The following XRCC5 variants were observed in gnomAD, a reference collection of about 807,000 sequenced individuals.
XRCC5 encodes DNA repair protein Ku80.
Under a neutral mutation model 95.7 loss-of-function variants are expected in XRCC5, and 12 were observed. That is an observed-to-expected ratio of 0.13 (90% CI 0.08 to 0.20). The LOEUF (loss-of-function observed/expected upper bound fraction) is 0.20. Ranked by LOEUF, XRCC5 falls within the 10% of genes least tolerant of loss-of-function variation. XRCC5 has a pLI of 1.00. For missense variants in XRCC5, 595 were observed against 873.9 expected (o/e 0.68, Z 4.02); for synonymous variants, 281 against 290.3 (o/e 0.97, Z 0.33).
chr2:216,117,841 A>T (rs1375044421), intron 4 of XRCC5, 47 bp downstream of exon 4: 1 of 1,570,650 alleles, frequency 6.4e-7, no homozygotes, highest in Non-Finnish European at 8.8e-7. Context: ...TTTTGCAAAA[A>T]TTGTATGGGT....
intron 14 of XRCC5, among the ~76,000 whole-genome samples, chr2:216,157,620 G>A (rs1688871898): frequency 6.6e-6 from 1 of 152,124 alleles, no homozygotes; most frequent in African/African-American, 2.4e-5. Context: ...TTTTTATTTG[G>A]CTGAAGGTGT....
intron 16 of XRCC5, among the ~76,000 whole-genome samples, chr2:216,178,420 C>A (rs1157604290): frequency 6.6e-6 from 1 of 152,128 alleles, no homozygotes; most frequent in Non-Finnish European, 1.5e-5. Flanking sequence ...CTACTGATGC[C>A]CTGTATTGTG....
chr2:216,179,319 G>T (rs1319861958), intron 16 of XRCC5, among the ~76,000 whole-genome samples: 1 of 152,146 alleles, frequency 6.6e-6, no homozygotes, highest in African/African-American at 2.4e-5. Context: ...AGTCCTATTG[G>T]ATTAGGGCCT....
chr2:216,130,042 G>A (rs895862803), intron 8 of XRCC5, among the ~76,000 whole-genome samples: 1 of 152,088 alleles, frequency 6.6e-6, no homozygotes, highest in Non-Finnish European at 1.5e-5. Flanking sequence ...ATAAACACTA[G>A]ATCACAGAAT....
chr2:216,195,684 G>T (rs1218435825), intron 19 of XRCC5, among the ~76,000 whole-genome samples: 1 of 152,174 alleles, frequency 6.6e-6, no homozygotes, highest in Non-Finnish European at 1.5e-5. Context: ...GGTGTGTATT[G>T]AATCTGATTC....
chr2:216,191,679 G>A (rs1689615420), intron 17 of XRCC5, among the ~76,000 whole-genome samples: 1 of 152,128 alleles, frequency 6.6e-6, no homozygotes, highest in Admixed American at 6.5e-5. Context: ...CCAGAGTGCT[G>A]GGATTACAGG....
chr2:216,132,701 C>T (rs1371704141), intron 10 of XRCC5, among the ~76,000 whole-genome samples: 1 of 152,080 alleles, frequency 6.6e-6, no homozygotes, highest in Non-Finnish European at 1.5e-5. Context: ...TCATAAGCAT[C>T]CTGGATGTGC....
At chr2:216,113,846 C>T (rs1450652461) in intron 2 of XRCC5, among the ~76,000 whole-genome samples, 1 of 152,204 alleles carries the variant, frequency 6.6e-6, no homozygotes, top group Non-Finnish European at 1.5e-5. Context: ...AATGGGTTTT[C>T]TATGAGACCC....
intron 15 of XRCC5, among the ~76,000 whole-genome samples, chr2:216,161,237 C>T (rs1688946260): frequency 6.6e-6 from 1 of 152,148 alleles, no homozygotes; most frequent in South Asian, 2.1e-4. Flanking sequence ...TTTTCTGCTT[C>T]CTATATCCAA....
chr2:216,160,138 C>G lies in XRCC5; in HGVS notation c.1741C>G (p.Leu581Val). The change falls in exon 15 of 21, where the codon CTG becomes GTG. Residue 581 changes from leucine to valine, a missense_variant. Leu to Val is a conservative substitution (Grantham distance 32). Coordinates refer to ENST00000392132, the MANE Select transcript of XRCC5 (RefSeq NM_021141.4). ...GGGAGCCCACTTCAGCGTCTCCAGT[C>G]TGGCTGAAGGCAGTGTCACCTCTGT... is the stretch of plus-strand genomic sequence containing the variant. ...QGGAHFSVSS[L>V]AEGSVTSVGS... 1 of 1,608,824 alleles carries G rather than the reference C, an allele frequency of 6.2e-7. No homozygotes were observed. Among genetic ancestry groups the G allele is most frequent in the Non-Finnish European group, 8.5e-7 (1 of 1,177,136 alleles).
intron 17 of XRCC5, among the ~76,000 whole-genome samples, chr2:216,192,254 A>G (rs987402674): frequency 2.6e-4 from 39 of 152,200 alleles, no homozygotes; most frequent in African/African-American, 9.2e-4. Flanking sequence ...TCAGCCTCCC[A>G]AAGTGCTGGG....
chr2:216,192,072 C>G lies in XRCC5; in HGVS notation c.1945-567C>G, dbSNP rs1039117889. Among the ~76,000 whole-genome samples the G allele has an allele frequency of 2.6e-5, 4 of 152,244 alleles. No individual in the cohort carries two copies. The South Asian group carries it at 6.2e-4, about 24-fold the overall frequency. ...GGAGTGCAGTGGCATGATCTCGGCT[C>G]ACTGCAACCTCCGCCTCCCGGGTTC... is the stretch of plus-strand genomic sequence containing the variant. On this transcript the variant is annotated intron_variant, in intron 17 of 20. Coordinates refer to ENST00000392132, the MANE Select transcript of XRCC5 (RefSeq NM_021141.4).
intron 16 of XRCC5, among the ~76,000 whole-genome samples, chr2:216,182,465 A>G (rs1236567000): frequency 6.6e-6 from 1 of 152,164 alleles, no homozygotes; most frequent in African/African-American, 2.4e-5. Context: ...GAATGGAATC[A>G]AGCATGGTGA....
At chr2:216,145,767 T>C (rs1409680275) in intron 13 of XRCC5, among the ~76,000 whole-genome samples, 1 of 152,248 alleles carries the variant, frequency 6.6e-6, no homozygotes, top group Non-Finnish European at 1.5e-5. Context: ...GGGTTTATGC[T>C]GAAAATCTGG....
intron 16 of XRCC5, among the ~76,000 whole-genome samples, chr2:216,179,911 C>T (rs938253885): frequency 7.9e-5 from 12 of 152,162 alleles, no homozygotes; most frequent in Admixed American, 2.6e-4. Context: ...CGGCGTTAAT[C>T]CACGTGACCG....
Position 216,148,194 on chromosome 2 carries a change from C to G in XRCC5, c.1588C>G (p.Leu530Val), listed in dbSNP as rs375978565. The change falls in exon 14 of 21, where the codon CTC (leucine) becomes GTC (valine). Residue 530 changes from leucine to valine, a missense_variant. Leu to Val is a conservative substitution (Grantham distance 32). This residue lies in a region of XRCC5 where 309 missense variants were observed against 382.9 expected (regional missense o/e 0.81). Coordinates refer to ENST00000392132, the MANE Select transcript of XRCC5 (RefSeq NM_021141.4). ...GGTGACAACAAAAAGTCAGATTCCT[C>G]TCTCTAAAATAAAGACCCTTTTTCC... ...AEVTTKSQIPLSKIKTLFPLI... is the reference protein window; with the variant it reads ...AEVTTKSQIPVSKIKTLFPLI... The G allele has an allele frequency of 2.7e-5, 44 of 1,613,978 alleles. No individual in the cohort carries two copies. Among genetic ancestry groups the G allele is most frequent in the Non-Finnish European group, 2.8e-5 (33 of 1,180,012 alleles).
intron 16 of XRCC5, among the ~76,000 whole-genome samples, chr2:216,180,869 A>G (rs903755419): frequency 3.3e-5 from 5 of 149,358 alleles, no homozygotes; most frequent in African/African-American, 1.2e-4. Context: ...CTGGAGTGCA[A>G]TGGCGCGATC....
chr2:216,126,751 AT>A (rs1696905480), intron 7 of XRCC5, among the ~76,000 whole-genome samples: 1 of 152,192 alleles, frequency 6.6e-6, no homozygotes, highest in African/African-American at 2.4e-5. Flanking sequence ...AATACATGAT[AT>A]ATCTGTGAGA....
At chr2:216,132,165 TTGTTG>T (rs1574458732) in intron 9 of XRCC5, among the ~76,000 whole-genome samples, 155 bp from the exon 10 acceptor site, 1 of 152,218 alleles carries the variant, frequency 6.6e-6, no homozygotes, top group East Asian at 1.9e-4. Context: ...GCTCAGATAT[TTGTTG>T]TGTTGTATTG....
Sources: allele counts gnomAD v4.1 joint callset (sites outside exome capture counted in the v4.1 genomes callset), GRCh38; gene constraint gnomAD v4.1.1; regional missense constraint gnomAD v4.1.1; transcripts MANE v1.5; gene names NCBI Gene and HGNC (gene_info 2026-07-23, HGNC 2026-07-21).